Variants in PLEKHA8 observed in about 807,000 individuals in gnomAD.
The protein encoded by PLEKHA8 is pleckstrin homology domain containing A8.
In PLEKHA8, 36 loss-of-function variants were observed where a neutral mutation model predicts 68.2. The observed-to-expected ratio is 0.53, with a 90% CI of 0.40 to 0.70. The LOEUF (loss-of-function observed/expected upper bound fraction) is 0.70. Ranked by LOEUF, PLEKHA8 falls within the 30% of genes least tolerant of loss-of-function variation. PLEKHA8 has a pLI of 0.00. For missense variants in PLEKHA8, 505 were observed against 615.4 expected, an observed-to-expected ratio of 0.82 and a Z score of 1.90; for synonymous variants, 211 against 216.1, an observed-to-expected ratio of 0.98 and a Z score of 0.20.
In PLEKHA8 at chr7:30,113,646, C is replaced by T. The variant is rs143717090; in HGVS notation, c.1363-15620C>T. On this transcript the variant is annotated intron_variant, in intron 13 of 13. Coordinates refer to the PLEKHA8 transcript ENST00000396257. ...GTCTATGTTATTATCTCTTTGAATA[C>T]TACCACCTCACTATTCTCCCTATTA... 4.3e-3 allele frequency among the ~76,000 whole-genome samples: 655 copies of T among 152,276 alleles called. 4 individuals carry two copies. The highest frequency in any genetic ancestry group is 0.015 in the African/African-American group (619 of 41,558).
At chr7:30,068,030 C>T (rs1461058101) in intron 12 of PLEKHA8, among the ~76,000 whole-genome samples, 1 of 152,206 alleles carries the variant, frequency 6.6e-6, no homozygotes, top group Non-Finnish European at 1.5e-5. Flanking sequence ...GGGACTGGTC[C>T]AGGGACTCTG....
intron 12 of PLEKHA8, 138 bp from the exon 13 acceptor site, chr7:30,073,933 C>A: frequency 1.7e-6 from 1 of 585,330 alleles, no homozygotes; most frequent in South Asian, 2.6e-5. Flanking sequence ...AAGGCTGCAA[C>A]TATTATCACA....
chr7:30,055,130 C>T, intron 8 of PLEKHA8, 127 bp from the exon 9 acceptor site: 1 of 843,740 alleles, frequency 1.2e-6, no homozygotes, highest in Non-Finnish European at 1.9e-6. Flanking sequence ...AAAACAGTTA[C>T]TGGGGCATAT....
chr7:30,033,311 C>T (rs1192297328), intron 1 of PLEKHA8, among the ~76,000 whole-genome samples: 1 of 152,210 alleles, frequency 6.6e-6, no homozygotes, highest in East Asian at 1.9e-4. Context: ...TACACCTACA[C>T]CTGCCCTTCA....
downstream of PLEKHA8, chr7:30,084,759 A>G: frequency 1.8e-6 from 1 of 563,800 alleles, no homozygotes; most frequent in African/African-American, 2.0e-5. Context: ...TAAGCCGTTT[A>G]CAAATATAAG....
intron 1 of PLEKHA8, among the ~76,000 whole-genome samples, chr7:30,044,846 C>G (rs557757139): frequency 6.6e-6 from 1 of 152,204 alleles, no homozygotes. Context: ...GCTTATCCTT[C>G]CAGACTTCTG....
rs537571688 is a variant in PLEKHA8 at position 30,110,435 on chromosome 7, A to G, written c.1363-18831A>G. ...CATTCACCAGTTAATGAGCATTTGG[A>G]CTGTTTCCATTTGGGGGTTATTATT... On this transcript the variant is annotated intron_variant, in intron 13 of 13. Coordinates refer to the PLEKHA8 transcript ENST00000396257. 2.9e-3 allele frequency among the ~76,000 whole-genome samples: 442 copies of G among 152,286 alleles called. 2 individuals carry two copies. Among genetic ancestry groups the G allele is most frequent in the African/African-American group, 0.01 (432 of 41,552 alleles).
intron 8 of PLEKHA8, 95 bp downstream of exon 8, chr7:30,054,960 A>C: frequency 8.1e-7 from 1 of 1,228,022 alleles, no homozygotes; most frequent in Non-Finnish European, 1.1e-6. Flanking sequence ...GGCATATTCT[A>C]GGAGAATAGA....
chr7:30,127,704 T>C (rs994472025), intron 13 of PLEKHA8, among the ~76,000 whole-genome samples: 3 of 152,206 alleles, frequency 2.0e-5, no homozygotes, highest in African/African-American at 4.8e-5. Flanking sequence ...AGCTCCTATA[T>C]AGAACACTTA....
intron 7 of PLEKHA8, among the ~76,000 whole-genome samples, chr7:30,053,279 C>T (rs1016698727): frequency 2.6e-5 from 4 of 152,178 alleles, no homozygotes; most frequent in Non-Finnish European, 5.9e-5. Flanking sequence ...GAGGTTTCTA[C>T]GCAGTCTTCT....
downstream of PLEKHA8, among the ~76,000 whole-genome samples, chr7:30,091,946 T>C (rs1225566327): frequency 6.6e-6 from 1 of 152,226 alleles, no homozygotes; most frequent in Non-Finnish European, 1.5e-5. Flanking sequence ...CAGTAAACTT[T>C]ATTCCACACA....
At chr7:30,040,502 C>T (rs1353055705) in intron 1 of PLEKHA8, among the ~76,000 whole-genome samples, 1 of 152,216 alleles carries the variant, frequency 6.6e-6, no homozygotes, top group Non-Finnish European at 1.5e-5. Flanking sequence ...GGGCCACTTG[C>T]CCATTCTGGA....
chr7:30,122,953 A>G (rs1422422754), intron 13 of PLEKHA8, among the ~76,000 whole-genome samples: 2 of 152,164 alleles, frequency 1.3e-5, no homozygotes, highest in Non-Finnish European at 2.9e-5. Context: ...GTTCTCAGCT[A>G]TCATGAAACC....
At chr7:30,100,286 C>T (rs1348712769) in intron 13 of PLEKHA8, among the ~76,000 whole-genome samples, 1 of 152,108 alleles carries the variant, frequency 6.6e-6, no homozygotes. Flanking sequence ...CACGGTGGCT[C>T]ACACCTGTAA....
At chr7:30,061,033 G>GA (rs1793393281) in intron 10 of PLEKHA8, 91 bp downstream of exon 10, 2 of 1,203,858 alleles carry the variant, frequency 1.7e-6, no homozygotes, top group Non-Finnish European at 2.4e-6. Context: ...ATCAAAAAGT[G>GA]AAAAATGTGT....
chr7:30,130,425 A>G (rs980024002), downstream of PLEKHA8: 3 of 152,210 alleles, frequency 2.0e-5, no homozygotes, highest in African/African-American at 7.2e-5. Flanking sequence ...GCAAGGGGGA[A>G]TCATTGAAGA....
chr7:30,105,078 A>G (rs1380151905), intron 13 of PLEKHA8, among the ~76,000 whole-genome samples: 2 of 152,052 alleles, frequency 1.3e-5, no homozygotes, highest in Admixed American at 1.3e-4. Context: ...TGCTAGTGGT[A>G]TGGGTTATAT....
At position 30,121,080 on chromosome 7, in the gene PLEKHA8, T is replaced by C. The variant is rs182800708; in HGVS notation, c.1363-8186T>C. 6.6e-5 allele frequency among the ~76,000 whole-genome samples: 10 copies of C among 151,926 alleles called. No homozygotes were observed. In the East Asian group the frequency reaches 1.7e-3, roughly 26 times the overall value. On this transcript the variant is annotated intron_variant, in intron 13 of 13. Transcript: ENST00000396257. ...GAAAAATGTAACAATGGCCCAACGA[T>C]AGAACCAAAGGATACATACTGTGAT...
chr7:30,099,336 G>A (rs926657365), intron 13 of PLEKHA8, among the ~76,000 whole-genome samples: 3 of 152,150 alleles, frequency 2.0e-5, no homozygotes, highest in Non-Finnish European at 2.9e-5. Flanking sequence ...CTGCTCTCCA[G>A]GAATGTGCAG....
Sources: gnomAD v4.1 joint callset for allele counts (sites outside exome capture counted in the v4.1 genomes callset) on GRCh38, gnomAD v4.1.1 for gene constraint, MANE v1.5 for transcripts, NCBI Gene and HGNC (gene_info 2026-07-23, HGNC 2026-07-21) for gene names.